PARP14: variants seen among roughly 807,000 people sequenced by gnomAD.
The protein encoded by PARP14 is protein mono-ADP-ribosyltransferase PARP14.
In PARP14, 59 loss-of-function variants were observed where a neutral mutation model predicts 154.2. The ratio of observed to expected loss-of-function variants is 0.38; its 90% CI spans 0.31 to 0.48. The LOEUF (loss-of-function observed/expected upper bound fraction) is 0.48, where lower values mean the gene tolerates loss of function less well. Ranked by LOEUF, PARP14 falls within the 20% of genes least tolerant of loss-of-function variation. The probability of loss-of-function intolerance (pLI) is 0.98; values close to 1 mark genes in which losing one functional copy is unlikely to be tolerated. For synonymous variants in PARP14, 720 were observed against 780.5 expected, an observed-to-expected ratio of 0.92 and a Z score of 1.29; for missense variants, 1,734 against 2,131.6, an observed-to-expected ratio of 0.81 and a Z score of 3.67.
chr3:122,722,945 T>G (rs1168636995), intron 15 of PARP14, among the ~76,000 whole-genome samples: 1 of 151,968 alleles, frequency 6.6e-6, no homozygotes, highest in East Asian at 1.9e-4. Flanking sequence ...ATTTTTTTTT[T>G]TTTTCCCCGA....
Position 122,714,330 on chromosome 3 carries a change from G to T in PARP14, c.3901G>T (p.Val1301Leu). 1 of 1,593,296 alleles carries T rather than the reference G, an allele frequency of 6.3e-7. No individual in the cohort carries two copies. Among genetic ancestry groups the T allele is most frequent in the Non-Finnish European group, 8.5e-7 (1 of 1,173,768 alleles). ...TTTGAGGTGCAAGAATATCATTCAT[G>T]TAATTGGTGGAAATGATGTCAAGAG... ...GFLRCKNIIH[V>L]IGGNDVKSSV... The change falls in exon 12 of 17, where the codon GTA becomes TTA. Residue 1301 changes from valine (V) to leucine (L), a missense_variant. This residue lies in a region of PARP14 where 1,646 missense variants were observed against 1,976.0 expected (regional missense o/e 0.83). Transcript: ENST00000474629.
At chr3:122,692,182 CTG>C in intron 3 of PARP14, 117 bp from the exon 4 acceptor site, 1 of 711,502 alleles carries the variant, frequency 1.4e-6, no homozygotes, top group Non-Finnish European at 2.2e-6. Context: ...GTCTGTTATT[CTG>C]TGAGTTAGCC....
intron 5 of PARP14, 68 bp from the exon 6 acceptor site, chr3:122,699,308 TCTAAAATAGGAAAA>T: frequency 2.6e-6 from 2 of 773,560 alleles, no homozygotes; most frequent in Non-Finnish European, 2.0e-6. Flanking sequence ...TTTTTTTTTC[TCTAAAATAGGAAAA>T]TTTTGTTTTG....
chr3:122,718,670 G>A lies in PARP14; in HGVS notation c.4519G>A (p.Ala1507Thr). The part of the protein sequence containing the change: ...VLGISRDVMQ[A>T]RDEIEAMIKR... ...GGGAATTAGCAGAGATGTGATGCAG[G>A]CTAGAGATGAAATTGAGGCGATGAT... Residue 1507 changes from alanine to threonine, a missense_variant, in exon 14 of 17, where the codon GCT (alanine) becomes ACT (threonine). This residue lies in a region of PARP14 where 1,646 missense variants were observed against 1,976.0 expected (regional missense o/e 0.83). Transcript: ENST00000474629. The A allele has an allele frequency of 6.2e-7, 1 of 1,613,912 alleles. No homozygotes were observed. The highest frequency in any genetic ancestry group is 1.7e-5 in the Admixed American group (1 of 60,014).
chr3:122,703,675 A>C, intron 6 of PARP14, 67 bp from the exon 7 acceptor site: 1 of 935,090 alleles, frequency 1.1e-6, no homozygotes, highest in Non-Finnish European at 1.6e-6. Flanking sequence ...CAGTGCCTCA[A>C]ATATAGTAAT....
chr3:122,712,400 G>A (rs1036017723), intron 9 of PARP14, among the ~76,000 whole-genome samples: 3 of 151,656 alleles, frequency 2.0e-5, no homozygotes, highest in South Asian at 2.1e-4. Flanking sequence ...GTGCCACCAC[G>A]CCCAGCTAAG....
rs1576589622 is a variant in PARP14, at chr3:122,701,828, A to T, written c.3081+193A>T. ...CTTACCAAATCATTTACTAATAGAG[A>T]TCGGCCAATTATTTGTGAGAACTGA... On this transcript the variant is annotated intron_variant, in intron 6 of 16. Transcript: ENST00000474629. This position sits in a 1 kb window ranked among gnomAD's most constrained non-coding sequence, Gnocchi z 4.0. Among the ~76,000 whole-genome samples the T allele has an allele frequency of 2.0e-5, 3 of 152,224 alleles. No homozygotes were observed. Among genetic ancestry groups the T allele is most frequent in the Admixed American group, 2.0e-4 (3 of 15,288 alleles).
In PARP14 at chr3:122,713,302, A is replaced by G. The variant is rs1043529122; in HGVS notation, c.3620-122A>G. The G allele has an allele frequency of 4.3e-5, 30 of 702,034 alleles. No homozygotes were observed. The South Asian group carries it at 5.7e-4, about 13-fold the overall frequency. 43.5% of individuals were successfully genotyped at this position (702,034 alleles called of 1,614,324 possible). ...GCTGAGGAGCAGGGCCAGGTTAAAG[A>G]CCAGAGGTCACAGAAAGAGAGGGAG... On this transcript the variant is annotated intron_variant, in intron 9 of 16. Coordinates refer to ENST00000474629, the MANE Select transcript of PARP14 (RefSeq NM_017554.3).
chr3:122,704,853 A>G (rs749824855), intron 8 of PARP14, 105 bp downstream of exon 8: 1 of 645,348 alleles, frequency 1.5e-6, no homozygotes, highest in Non-Finnish European at 2.7e-6. Flanking sequence ...TTCCCCATTC[A>G]GGAAAGTAAG....
At position 122,699,715 on chromosome 3, in the gene PARP14, T is replaced by C. The variant is rs1938891198; in HGVS notation, c.1161T>C (p.Thr387=). 6.2e-7 allele frequency: 1 copy of C among 1,613,990 alleles called. No individual in the cohort carries two copies. The highest frequency in any genetic ancestry group is 8.5e-7 in the Non-Finnish European group (1 of 1,179,870). Residue 387 remains threonine (T), a synonymous_variant, in exon 6 of 17, where the codon ACT becomes ACC. Transcript: ENST00000474629. ...RPRIKTWQAD[T]STTLSSIRSK... ...GAATCAAGACCTGGCAGGCAGATAC[T>C]TCCACAACACTCTCTAGCATCAGGT... is the stretch of plus-strand genomic sequence containing the variant.
rs565581844 is a variant in PARP14 at position 122,682,610 on chromosome 3, A to G, written c.187+1540A>G. 6.6e-5 allele frequency among the ~76,000 whole-genome samples: 10 copies of G among 152,328 alleles called. No homozygotes were observed. In the South Asian group the frequency reaches 2.1e-3, roughly 32 times the overall value. ...TGTGATGATAAAATAACTCAATTCTAGCCCTCCAAGCAGAAAAGATTTCAG... is the reference window on the plus strand; with the variant it reads ...TGTGATGATAAAATAACTCAATTCTGGCCCTCCAAGCAGAAAAGATTTCAG... On this transcript the variant is annotated intron_variant, in intron 1 of 16. Coordinates refer to ENST00000474629, the MANE Select transcript of PARP14 (RefSeq NM_017554.3).
In PARP14 at chr3:122,720,637, G is replaced by A. The variant is rs192940502; in HGVS notation, c.4941+249G>A. ...CACTAAAGACATATATTTACTTTGTGAAGCAAGCTAATACAAATTCAAAGA... is the reference window on the plus strand; with the variant it reads ...CACTAAAGACATATATTTACTTTGTAAAGCAAGCTAATACAAATTCAAAGA... On this transcript the variant is annotated intron_variant, in intron 15 of 16. Coordinates refer to ENST00000474629, the MANE Select transcript of PARP14 (RefSeq NM_017554.3). 1.0e-3 allele frequency: 532 copies of A among 529,916 alleles called. 3 individuals are homozygous for A. Among genetic ancestry groups the A allele is most frequent in the Non-Finnish European group, 1.5e-3 (442 of 290,212 alleles). 32.8% of individuals were successfully genotyped at this position (529,916 alleles called of 1,614,324 possible).
Position 122,681,334 on chromosome 3 carries a change from C to G in PARP14, c.187+264C>G, listed in dbSNP as rs576233623. On this transcript the variant is annotated intron_variant, in intron 1 of 16. Coordinates refer to ENST00000474629, the MANE Select transcript of PARP14 (RefSeq NM_017554.3). This position sits in a 1 kb window ranked among gnomAD's most constrained non-coding sequence, Gnocchi z 5.5. ...CGGAACCGCGCAAGTAACTCTTTAT[C>G]CCTCGATCGTTTTCTGTCTTTCCCT... Among the ~76,000 whole-genome samples, 1 of 152,346 alleles carries G rather than the reference C, an allele frequency of 6.6e-6. No homozygotes were observed.
intron 3 of PARP14, 138 bp from the exon 4 acceptor site, chr3:122,692,163 C>T (rs910604265): frequency 3.7e-6 from 2 of 544,080 alleles, no homozygotes; most frequent in African/African-American, 1.9e-5. Flanking sequence ...AAGCAAAAAG[C>T]CATCCAAGGT....
chr3:122,692,248 A>T (rs920818467), intron 3 of PARP14, 53 bp from the exon 4 acceptor site: 2 of 1,531,876 alleles, frequency 1.3e-6, no homozygotes, highest in East Asian at 4.5e-5. Flanking sequence ...CTTTGCTAAG[A>T]CCATGGTAGA....
intron 6 of PARP14, among the ~76,000 whole-genome samples, chr3:122,702,932 A>C (rs2107645357): frequency 6.8e-6 from 1 of 147,654 alleles, no homozygotes; most frequent in East Asian, 2.1e-4. Flanking sequence ...TTGAGGCTGC[A>C]GTGAACTATG....
chr3:122,703,962 G>T lies in PARP14; in HGVS notation c.3302G>T (p.Ser1101Ile). The T allele has an allele frequency of 6.2e-7, 1 of 1,612,330 alleles. No individual in the cohort carries two copies. Among genetic ancestry groups the T allele is most frequent in the Non-Finnish European group, 8.5e-7 (1 of 1,178,364 alleles). Residue 1101 changes from serine (S) to isoleucine (I), a missense_variant, in exon 7 of 17, where the codon AGC becomes ATC. Physicochemically the swap from Ser to Ile is moderately radical, Grantham distance 142. Transcript: ENST00000474629. ...GTAGCTCCGGAGTGGAGAAATGGTA[G>T]CACATCTTCACTCAAGGTTGGGCCT... ...HVVAPEWRNG[S>I]TSSLKIMEDI... is the part of the protein sequence containing the mutation.
intron 12 of PARP14, among the ~76,000 whole-genome samples, chr3:122,716,733 T>C (rs1455791022): frequency 6.6e-6 from 1 of 152,214 alleles, no homozygotes; most frequent in Non-Finnish European, 1.5e-5. Context: ...TAACTAGACC[T>C]GGGCTCCCCG....
In PARP14 at chr3:122,720,364, C is replaced by T; in HGVS notation, c.4917C>T (p.Thr1639=). The T allele has an allele frequency of 6.2e-7, 1 of 1,613,032 alleles. No homozygotes were observed. Among genetic ancestry groups the T allele is most frequent in the South Asian group, 1.1e-5 (1 of 90,792 alleles). Reference sequence around the variant, plus strand: ...CGGTGGCAAGCAAGTTTAATCAGACCTGCTCACACTTCAGAATAGAGAAGG... The same window carrying T: ...CGGTGGCAAGCAAGTTTAATCAGACTTGCTCACACTTCAGAATAGAGAAGG... The part of the protein sequence containing the change: ...YNTVASKFNQ[T]CSHFRIEKIE... The change falls in exon 15 of 17, where the codon ACC becomes ACT. Residue 1639 remains threonine (T), a synonymous_variant. Transcript: ENST00000474629.
Sources: allele counts gnomAD v4.1 joint callset (sites outside exome capture counted in the v4.1 genomes callset), GRCh38; gene constraint gnomAD v4.1.1; regional missense constraint gnomAD v4.1.1; non-coding constraint Gnocchi (gnomAD v3.1); transcripts MANE v1.5; gene names NCBI Gene and HGNC (gene_info 2026-07-23, HGNC 2026-07-21).